XYLT1: variants seen among roughly 807,000 people sequenced by gnomAD.
XYLT1 encodes xylosyltransferase 1.
Under a neutral mutation model 91.3 loss-of-function variants are expected in XYLT1, and 36 were observed. The ratio of observed to expected loss-of-function variants is 0.39; its 90% CI spans 0.30 to 0.52. The LOEUF is 0.52. Ranked by LOEUF, XYLT1 falls within the 20% of genes least tolerant of loss-of-function variation. XYLT1 has a pLI of 0.68. For missense variants in XYLT1, 1,242 were observed against 1,284.5 expected, an observed-to-expected ratio of 0.97 and a Z score of 0.51; for synonymous variants, 588 against 532.0, an observed-to-expected ratio of 1.11 and a Z score of -1.45.
At chr16:17,128,134 C>T (rs2030328752) in intron 9 of XYLT1, among the ~76,000 whole-genome samples, 1 of 152,176 alleles carries the variant, frequency 6.6e-6, no homozygotes, top group Non-Finnish European at 1.5e-5. Flanking sequence ...AATGTCCATT[C>T]ACAGATATTG....
At chr16:17,232,025 A>G (rs2033163851) in intron 3 of XYLT1, among the ~76,000 whole-genome samples, 1 of 150,116 alleles carries the variant, frequency 6.7e-6, no homozygotes, top group South Asian at 2.1e-4. Context: ...ATAGGGCTGA[A>G]TAGTCAACGA....
At chr16:17,136,410 CTG>C (rs948694799) in intron 8 of XYLT1, among the ~76,000 whole-genome samples, 2 of 152,168 alleles carry the variant, frequency 1.3e-5, no homozygotes, top group African/African-American at 2.4e-5. Flanking sequence ...GGAAACCTCT[CTG>C]TGGTGGGGAG....
At chr16:17,444,581 A>C (rs2036570725) in intron 1 of XYLT1, among the ~76,000 whole-genome samples, 1 of 151,440 alleles carries the variant, frequency 6.6e-6, no homozygotes, top group South Asian at 2.1e-4. Flanking sequence ...TCCTGGTCTC[A>C]AGTGATCCTC....
chr16:17,102,997 CAAT>C lies in XYLT1; in HGVS notation c.*5695_*5697del, dbSNP rs1479502788. On this transcript the variant is annotated 3_prime_UTR_variant, in exon 12 of 12. Coordinates refer to ENST00000261381, the MANE Select transcript of XYLT1 (RefSeq NM_022166.4). ...AAAGGACTACAAAGACAATTGCGCA[CAAT>C]TCCAGTGAATTTCCTATGAAAACCC... is the stretch of plus-strand genomic sequence containing the variant. 1 of 151,648 alleles carries C rather than the reference CAAT, an allele frequency of 6.6e-6. No individual in the cohort carries two copies. The highest frequency in any genetic ancestry group is 1.5e-5 in the Non-Finnish European group (1 of 67,900). 9.4% of individuals were successfully genotyped at this position (151,648 alleles called of 1,614,324 possible). A position where few individuals can be genotyped will look rare whatever the true frequency, so the allele number is the denominator to read the frequency against.
intron 1 of XYLT1, among the ~76,000 whole-genome samples, chr16:17,390,633 C>A (rs1309703361): frequency 1.3e-5 from 2 of 152,224 alleles, no homozygotes; most frequent in Non-Finnish European, 1.5e-5. Context: ...GGGCTTGGGT[C>A]AAGCTAACTT....
At chr16:17,199,479 T>G (rs1170261322) in intron 4 of XYLT1, among the ~76,000 whole-genome samples, 2 of 152,176 alleles carry the variant, frequency 1.3e-5, no homozygotes, top group Non-Finnish European at 2.9e-5. Flanking sequence ...ATAGAAAAAG[T>G]GTACGCACTC....
chr16:17,423,198 C>T (rs750620336), intron 1 of XYLT1, among the ~76,000 whole-genome samples: 1 of 152,192 alleles, frequency 6.6e-6, no homozygotes, highest in Non-Finnish European at 1.5e-5. Context: ...AGATTCCACC[C>T]TTAAACTGGA....
chr16:17,442,907 A>T (rs1193681314), intron 1 of XYLT1, among the ~76,000 whole-genome samples: 2 of 151,588 alleles, frequency 1.3e-5, no homozygotes, highest in East Asian at 3.9e-4. Context: ...TCACATATTC[A>T]TCTCCTAAAT....
At chr16:17,134,017 G>T (rs760175174) in intron 9 of XYLT1, among the ~76,000 whole-genome samples, 1 of 152,148 alleles carries the variant, frequency 6.6e-6, no homozygotes. Flanking sequence ...GGGAGGAGGC[G>T]GAAGGTGGGT....
intron 1 of XYLT1, among the ~76,000 whole-genome samples, chr16:17,441,822 C>A (rs538632734): frequency 6.6e-6 from 1 of 152,228 alleles, no homozygotes; most frequent in African/African-American, 2.4e-5. Flanking sequence ...TCTACAATAA[C>A]CCTCCACACG....
intron 5 of XYLT1, among the ~76,000 whole-genome samples, chr16:17,183,721 C>A (rs1409191235): frequency 6.6e-6 from 1 of 152,142 alleles, no homozygotes; most frequent in Non-Finnish European, 1.5e-5. Flanking sequence ...TGGAGTATGG[C>A]AGGTCTTAAA....
intron 1 of XYLT1, among the ~76,000 whole-genome samples, chr16:17,394,466 A>G (rs2141895284): frequency 6.6e-6 from 1 of 152,328 alleles, no homozygotes; most frequent in South Asian, 2.1e-4. Flanking sequence ...TGGCCCAGTG[A>G]TTCCAATAGG....
At chr16:17,461,290 C>T (rs559757426) in intron 1 of XYLT1, among the ~76,000 whole-genome samples, 2 of 152,316 alleles carry the variant, frequency 1.3e-5, no homozygotes, top group Non-Finnish European at 2.9e-5. Flanking sequence ...CCAGAGGACA[C>T]CTCCCTTGTG....
intron 2 of XYLT1, among the ~76,000 whole-genome samples, chr16:17,266,154 T>G (rs1482424716): frequency 6.6e-6 from 1 of 152,150 alleles, no homozygotes; most frequent in Admixed American, 6.5e-5. Context: ...CACACTGAGA[T>G]TCAGAGGTCT....
intron 5 of XYLT1, among the ~76,000 whole-genome samples, chr16:17,164,033 T>C (rs2031614470): frequency 5.0e-5 from 1 of 19,850 alleles, no homozygotes; most frequent in Non-Finnish European, 1.6e-4. Context: ...AGCGAAACTC[T>C]GTCTCAAAAA....
chr16:17,382,809 C>T (rs935999148), intron 1 of XYLT1, among the ~76,000 whole-genome samples: 6 of 151,918 alleles, frequency 3.9e-5, no homozygotes, highest in African/African-American at 1.2e-4. Flanking sequence ...TCGTGCAAGA[C>T]ACTTTAGTGC....
chr16:17,189,769 G>C (rs1050902913), intron 5 of XYLT1, among the ~76,000 whole-genome samples: 3 of 152,184 alleles, frequency 2.0e-5, no homozygotes, highest in African/African-American at 4.8e-5. Flanking sequence ...AGAATAGGCT[G>C]GGCATAGTGG....
At chr16:17,139,575 T>C (rs1233048772) in intron 7 of XYLT1, among the ~76,000 whole-genome samples, 1 of 152,172 alleles carries the variant, frequency 6.6e-6, no homozygotes, top group Non-Finnish European at 1.5e-5. Context: ...CACCCCCTGC[T>C]GACCTTCCTG....
intron 1 of XYLT1, among the ~76,000 whole-genome samples, chr16:17,428,066 C>T (rs1322054191): frequency 6.6e-6 from 1 of 152,162 alleles, no homozygotes; most frequent in Non-Finnish European, 1.5e-5. Context: ...TTTCGGCTCA[C>T]TGCAACCTCT....
Sources: gnomAD v4.1 joint callset for allele counts (sites outside exome capture counted in the v4.1 genomes callset) on GRCh38, gnomAD v4.1.1 for gene constraint, MANE v1.5 for transcripts, NCBI Gene and HGNC (gene_info 2026-07-23, HGNC 2026-07-21) for gene names.